NAALADL2: variants seen among roughly 807,000 people sequenced by gnomAD.
NAALADL2 encodes N-acetylated alpha-linked acidic dipeptidase like 2.
NAALADL2 carries 76 observed loss-of-function variants against 87.2 expected under a neutral mutation model. The ratio of observed to expected loss-of-function variants is 0.87; its 90% confidence interval spans 0.72 to 1.05. The LOEUF (loss-of-function observed/expected upper bound fraction) is 1.05. Among genes scored for constraint, NAALADL2 ranks in the 50% least tolerant of loss-of-function variants. NAALADL2 has a pLI of 0.00. For synonymous variants in NAALADL2, 354 were observed against 331.0 expected, an observed-to-expected ratio of 1.07 and a Z score of -0.75; for missense variants, 1,089 against 945.8, an observed-to-expected ratio of 1.15 and a Z score of -1.99.
intron 1 of NAALADL2, among the ~76,000 whole-genome samples, chr3:174,990,715 T>C (rs1305556294): frequency 6.6e-6 from 1 of 152,180 alleles, no homozygotes; most frequent in Non-Finnish European, 1.5e-5. Flanking sequence ...ATTGCTGTCC[T>C]AGATTAGTGG....
At chr3:174,501,118 A>G (rs1261843122) in intron 1 of NAALADL2, among the ~76,000 whole-genome samples, 24 of 128,878 alleles carry the variant, frequency 1.9e-4, no homozygotes, top group Non-Finnish European at 3.2e-4. Context: ...TCGCTCTGTC[A>G]CTCAGGCTGG....
chr3:175,721,792 A>C (rs1742272322), intron 11 of NAALADL2, among the ~76,000 whole-genome samples: 1 of 152,080 alleles, frequency 6.6e-6, no homozygotes, highest in Non-Finnish European at 1.5e-5. Flanking sequence ...TAACTACATA[A>C]GATAATCTTC....
intron 1 of NAALADL2, among the ~76,000 whole-genome samples, chr3:174,534,602 G>A (rs1440319693): frequency 6.6e-6 from 1 of 152,104 alleles, no homozygotes; most frequent in Non-Finnish European, 1.5e-5. Context: ...TTTTTCAGAA[G>A]GGTGGAAAAC....
chr3:175,613,624 CTATTGTCTATAG>C (rs1185724539), intron 10 of NAALADL2, among the ~76,000 whole-genome samples: 23 of 152,148 alleles, frequency 1.5e-4, no homozygotes, highest in African/African-American at 5.6e-4. Flanking sequence ...TTTCATTTGG[CTATTGTCTATAG>C]TATAGACAAT....
intron 2 of NAALADL2, among the ~76,000 whole-genome samples, chr3:175,225,758 C>T (rs569145468): frequency 1.3e-5 from 2 of 152,090 alleles, no homozygotes; most frequent in South Asian, 2.1e-4. Flanking sequence ...TTTGAAGACT[C>T]GTATTGTCTT....
At chr3:175,614,796 A>G (rs1725120626) in intron 10 of NAALADL2, among the ~76,000 whole-genome samples, 1 of 152,242 alleles carries the variant, frequency 6.6e-6, no homozygotes, top group African/African-American at 2.4e-5. Context: ...AACTATAAAA[A>G]ATTAAATAAA....
intron 2 of NAALADL2, among the ~76,000 whole-genome samples, chr3:174,665,729 C>G (rs1725896205): frequency 6.6e-6 from 1 of 152,116 alleles, no homozygotes; most frequent in African/African-American, 2.4e-5. Flanking sequence ...TTGGCTAAAA[C>G]AGAAATTTAT....
chr3:175,665,935 CAA>C (rs972156320), intron 11 of NAALADL2, among the ~76,000 whole-genome samples: 21 of 151,094 alleles, frequency 1.4e-4, no homozygotes, highest in Admixed American at 4.6e-4. Flanking sequence ...GTCCCCCCCC[CAA>C]AAAAAAGGTT....
At chr3:175,060,748 T>A (rs886266452) in intron 1 of NAALADL2, among the ~76,000 whole-genome samples, 61 of 152,132 alleles carry the variant, frequency 4.0e-4, no homozygotes, top group African/African-American at 1.5e-3. Context: ...GACTGTGAGT[T>A]TATAAAGAAA....
intron 1 of NAALADL2, among the ~76,000 whole-genome samples, chr3:174,485,816 G>A (rs918694638): frequency 6.6e-6 from 1 of 151,942 alleles, no homozygotes; most frequent in Non-Finnish European, 1.5e-5. Flanking sequence ...GCCCGTTCCT[G>A]TGTCTAGAAT....
At chr3:175,633,338 G>C (rs1420751091) in intron 11 of NAALADL2, among the ~76,000 whole-genome samples, 1 of 151,800 alleles carries the variant, frequency 6.6e-6, no homozygotes, top group Non-Finnish European at 1.5e-5. Flanking sequence ...TATGTTTTTG[G>C]ATTTAATATA....
intron 1 of NAALADL2, chr3:174,513,508 G>T (rs1274489467): frequency 6.6e-6 from 1 of 152,082 alleles, no homozygotes; most frequent in Non-Finnish European, 1.5e-5. Context: ...TGTTTCCAAA[G>T]ATTGGTAAGA....
At chr3:175,374,864 A>G (rs1766947965) in intron 5 of NAALADL2, among the ~76,000 whole-genome samples, 1 of 150,116 alleles carries the variant, frequency 6.7e-6, no homozygotes, top group South Asian at 2.1e-4. Flanking sequence ...ACACAATGAG[A>G]CCCTGTCGCA....
At chr3:174,617,244 A>G (rs1252008044) in intron 2 of NAALADL2, among the ~76,000 whole-genome samples, 2 of 151,814 alleles carry the variant, frequency 1.3e-5, no homozygotes, top group East Asian at 3.8e-4. Context: ...ATTTTTGTAT[A>G]CTTACAGAAA....
chr3:174,863,077 A>G (rs1726699995), intron 1 of NAALADL2, among the ~76,000 whole-genome samples: 1 of 152,042 alleles, frequency 6.6e-6, no homozygotes, highest in African/African-American at 2.4e-5. Flanking sequence ...GAAAATTAAC[A>G]TTTTCAAGCT....
chr3:174,448,699 A>G (rs75576709), intron 1 of NAALADL2, among the ~76,000 whole-genome samples: 2,697 of 152,244 alleles, frequency 0.018, 53 homozygotes, highest in African/African-American at 0.045. Context: ...TTCCCTGACT[A>G]AAATAGCAGG....
chr3:174,564,799 G>T (rs1432458442), intron 2 of NAALADL2, among the ~76,000 whole-genome samples: 1 of 151,358 alleles, frequency 6.6e-6, no homozygotes, highest in Non-Finnish European at 1.5e-5. Context: ...ATGTATTTGG[G>T]TATTTCAGAT....
At chr3:175,027,609 ATTCTT>A (rs1752366005) in intron 1 of NAALADL2, among the ~76,000 whole-genome samples, 1 of 152,098 alleles carries the variant, frequency 6.6e-6, no homozygotes, top group Non-Finnish European at 1.5e-5. Flanking sequence ...TCTTCCCCGA[ATTCTT>A]TTATTTCACA....
chr3:175,464,426 A>AG, intron 7 of NAALADL2, among the ~76,000 whole-genome samples: 1 of 140,252 alleles, frequency 7.1e-6, no homozygotes, highest in South Asian at 2.1e-4. Context: ...TCCATCTCAA[A>AG]AAAAAAAAAA....
Sources: gnomAD v4.1 joint callset for allele counts (sites outside exome capture counted in the v4.1 genomes callset) on GRCh38, gnomAD v4.1.1 for gene constraint, MANE v1.5 for transcripts, NCBI Gene and HGNC (gene_info 2026-07-23, HGNC 2026-07-21) for gene names.